LRP6: variants seen among roughly 807,000 people sequenced by gnomAD.
The protein encoded by LRP6 is low-density lipoprotein receptor-related protein 6.
Under a neutral mutation model 184.1 loss-of-function variants are expected in LRP6, and 43 were observed. The ratio of observed to expected loss-of-function variants is 0.23; its 90% CI spans 0.18 to 0.30. The LOEUF is 0.30. LRP6 is among the 10% of genes least tolerant of loss of function. The pLI is 1.00. For synonymous variants in LRP6, 719 were observed against 684.9 expected (o/e 1.05, Z -0.78); for missense variants, 1,571 against 2,005.3 (o/e 0.78, Z 4.14).
Position 12,150,964 on chromosome 12 carries a change from C to T in LRP6, c.2866G>A (p.Asp956Asn), listed in dbSNP as rs1431035355. The change falls in exon 13 of 23, where the codon GAC becomes AAC. Residue 956 changes from aspartate to asparagine, a missense_variant. Physicochemically the swap from Asp to Asn is conservative, Grantham distance 23. Around this residue, in one of 4 missense-constraint regions of LRP6, gnomAD observed 763 missense variants for 859.5 expected, o/e 0.89. Transcript: ENST00000261349. ...AGGCTGTGGATGGGAAGGATGATGT[C>T]GGGGCTCTGTTGTTCATCAATCACC... is the stretch of plus-strand genomic sequence containing the variant. ...RMVIDEQQSP[D>N]IILPIHSLRN... The T allele has an allele frequency of 1.2e-6, 2 of 1,614,054 alleles. No homozygotes were observed. Among genetic ancestry groups the T allele is most frequent in the South Asian group, 1.1e-5 (1 of 91,076 alleles).
At chr12:12,263,175 G>T (rs1425066420) in intron 1 of LRP6, among the ~76,000 whole-genome samples, 1 of 151,678 alleles carries the variant, frequency 6.6e-6, no homozygotes, top group African/African-American at 2.4e-5. Context: ...TGAGGTAGGA[G>T]TATCGCTTGA....
rs576074804 is a variant in LRP6 at position 12,155,562 on chromosome 12, G to A, written c.2791+3267C>T. ...ATTCAGCACGTTAAGCACGCTAAGA[G>A]CCGAGATAGCTTCCTAAAGGAAGCT... is the stretch of plus-strand genomic sequence containing the variant. On this transcript the variant is annotated intron_variant, in intron 12 of 22. Coordinates refer to ENST00000261349, the MANE Select transcript of LRP6 (RefSeq NM_002336.3). The A allele has an allele frequency of 1.3e-4, 98 of 740,594 alleles. No homozygotes were observed. In the African/African-American group the frequency reaches 1.6e-3, roughly 12 times the overall value. The allele number at this position is 740,594 out of a possible 1,614,324, so 45.9% of individuals were successfully genotyped here. A position where few individuals can be genotyped will look rare whatever the true frequency, so the allele number is the denominator to read the frequency against.
At position 12,124,653 on chromosome 12, in the gene LRP6, G is replaced by A. The variant is rs756552673; in HGVS notation, c.4459C>T (p.Pro1487Ser). 2 of 1,607,830 alleles carry A rather than the reference G, an allele frequency of 1.2e-6. No homozygotes were observed. The highest frequency in any genetic ancestry group is 1.3e-5 in the African/African-American group (1 of 74,814). ...KGTYFPAILN[P>S]PPSPATERSH... ...CGCTCTGTGGCTGGGGATGGTGGAGGGTTCAAAATCTAAAAGAAAAAAATA... is the reference window on the plus strand; with the variant it reads ...CGCTCTGTGGCTGGGGATGGTGGAGAGTTCAAAATCTAAAAGAAAAAAATA... Residue 1487 changes from proline (P) to serine (S), a missense_variant, in exon 22 of 23, where the codon CCT becomes TCT. This residue lies in a region of LRP6 where 763 missense variants were observed against 859.5 expected (regional missense o/e 0.89). Transcript: ENST00000261349.
intron 2 of LRP6, among the ~76,000 whole-genome samples, chr12:12,232,307 C>T (rs1160732797): frequency 6.6e-6 from 1 of 151,414 alleles, no homozygotes; most frequent in Non-Finnish European, 1.5e-5. Flanking sequence ...TGTCGAGAAC[C>T]CAGGAGGCAG....
Position 12,181,063 on chromosome 12 carries a change from A to T in LRP6, c.1353T>A (p.Ile451=). 2 of 1,614,086 alleles carry T rather than the reference A, an allele frequency of 1.2e-6. No homozygotes were observed. The highest frequency in any genetic ancestry group is 1.7e-6 in the Non-Finnish European group (2 of 1,179,958). Reference sequence around the variant, plus strand: ...CTTACCCAACCATGGGATCTAACACAATAGCCCGGGGTTCCTCTAAGTCCT... The same window carrying T: ...CTTACCCAACCATGGGATCTAACACTATAGCCCGGGGTTCCTCTAAGTCCT... ...ISEDLEEPRA[I]VLDPMVGYMY... is the part of the protein sequence containing the mutation. The change falls in exon 6 of 23, where the codon ATT becomes ATA. Residue 451 remains isoleucine, a synonymous_variant. Coordinates refer to ENST00000261349, the MANE Select transcript of LRP6 (RefSeq NM_002336.3).
chr12:12,157,993 T>C (rs909823960), intron 12 of LRP6, among the ~76,000 whole-genome samples: 1 of 152,188 alleles, frequency 6.6e-6, no homozygotes, highest in South Asian at 2.1e-4. Flanking sequence ...CAAAAAAATC[T>C]AGATTCAGGA....
intron 5 of LRP6, 33 bp downstream of exon 5, chr12:12,183,947 T>TA: frequency 6.2e-7 from 1 of 1,600,714 alleles, no homozygotes; most frequent in Non-Finnish European, 8.6e-7. Flanking sequence ...CCAATAGTTA[T>TA]AAAATTTTTC....
At chr12:12,178,398 T>C (rs1267072096) in intron 7 of LRP6, among the ~76,000 whole-genome samples, 1 of 152,182 alleles carries the variant, frequency 6.6e-6, no homozygotes, top group Non-Finnish European at 1.5e-5. Flanking sequence ...AAATACGGAA[T>C]TTTAAAAACC....
intron 15 of LRP6, among the ~76,000 whole-genome samples, chr12:12,140,856 C>A (rs1191851799): frequency 6.6e-6 from 1 of 152,082 alleles, no homozygotes; most frequent in Non-Finnish European, 1.5e-5. Context: ...CCCGCCTCAG[C>A]CTCCAAAAGT....
chr12:12,192,932 T>G (rs1863654218), intron 3 of LRP6, among the ~76,000 whole-genome samples: 1 of 152,034 alleles, frequency 6.6e-6, no homozygotes, highest in South Asian at 2.1e-4. Context: ...ATACACAATC[T>G]TTTCACGTAC....
At chr12:12,243,825 A>G (rs1865120676) in intron 2 of LRP6, among the ~76,000 whole-genome samples, 1 of 152,174 alleles carries the variant, frequency 6.6e-6, no homozygotes, top group African/African-American at 2.4e-5. Flanking sequence ...ATCTCAGCTC[A>G]CTGCAACCTC....
At position 12,230,568 on chromosome 12, in the gene LRP6, C is replaced by A. The variant is rs191933113; in HGVS notation, c.449+13694G>T. On this transcript the variant is annotated intron_variant, in intron 2 of 22. Transcript: ENST00000261349. ...AATCATGTCATGATCCTTGAAGTTA[C>A]TTATATAATCCTATCCATAATTAAA... Among the ~76,000 whole-genome samples the A allele has an allele frequency of 1.2e-3, 187 of 151,964 alleles. 1 individual carries two copies. Among genetic ancestry groups the A allele is most frequent in the Non-Finnish European group, 2.1e-3 (143 of 67,974 alleles).
intron 1 of LRP6, among the ~76,000 whole-genome samples, chr12:12,246,665 C>G (rs1403728449): frequency 6.8e-6 from 1 of 146,248 alleles, no homozygotes; most frequent in African/African-American, 2.6e-5. Context: ...GAGGGAGACC[C>G]TGTCTCAAAA....
intron 3 of LRP6, among the ~76,000 whole-genome samples, chr12:12,198,366 TTGTC>T (rs1289181804): frequency 1.3e-5 from 2 of 152,112 alleles, no homozygotes; most frequent in Admixed American, 6.5e-5. Context: ...AAATCATCTT[TTGTC>T]TTTCTGTATT....
At chr12:12,137,310 A>C (rs1182459169) in intron 16 of LRP6, among the ~76,000 whole-genome samples, 1 of 152,236 alleles carries the variant, frequency 6.6e-6, no homozygotes, top group Non-Finnish European at 1.5e-5. Context: ...AACGTTTTGC[A>C]TATATAAACT....
chr12:12,175,696 AAAAAT>A (rs71435896), intron 7 of LRP6, among the ~76,000 whole-genome samples: 101,674 of 142,180 alleles, frequency 0.72, 36,609 homozygotes, highest in East Asian at 0.92. Flanking sequence ...GTCTCAAATA[AAAAAT>A]AAAATAAAAT....
At chr12:12,264,590 T>C (rs1865709608) in intron 1 of LRP6, among the ~76,000 whole-genome samples, 1 of 152,160 alleles carries the variant, frequency 6.6e-6, no homozygotes, top group Non-Finnish European at 1.5e-5. Flanking sequence ...AAGCCCCAAT[T>C]CTTTGTGGGG....
intron 3 of LRP6, among the ~76,000 whole-genome samples, chr12:12,195,569 A>C (rs958915779): frequency 1.3e-5 from 2 of 152,024 alleles, no homozygotes; most frequent in Non-Finnish European, 2.9e-5. Context: ...GAACTGTTTG[A>C]GTTCCCTGTA....
intron 1 of LRP6, among the ~76,000 whole-genome samples, chr12:12,257,513 G>A (rs1448390626): frequency 2.0e-5 from 3 of 149,652 alleles, no homozygotes; most frequent in Non-Finnish European, 3.0e-5. Context: ...TCTGGGAGGC[G>A]GAGCTTGCAG....
Sources: gnomAD v4.1 joint callset for allele counts (sites outside exome capture counted in the v4.1 genomes callset) on GRCh38, gnomAD v4.1.1 for gene constraint, gnomAD v4.1.1 regional missense constraint, MANE v1.5 for transcripts, NCBI Gene and HGNC (gene_info 2026-07-23, HGNC 2026-07-21) for gene names.